The following ODAD1 variants were observed in gnomAD, a reference collection of about 807,000 sequenced individuals.
The protein encoded by ODAD1 is outer dynein arm docking complex subunit 1.
ODAD1 carries 49 observed loss-of-function variants against 67.2 expected under a neutral mutation model. The ratio of observed to expected loss-of-function variants is 0.73; its 90% CI spans 0.58 to 0.92. The LOEUF is 0.92. ODAD1 is among the 40% of genes least tolerant of loss of function. The probability of loss-of-function intolerance (pLI) is 0.00; values close to 1 mark genes in which losing one functional copy is unlikely to be tolerated. For missense variants in ODAD1, 897 were observed against 953.7 expected (o/e 0.94, Z 0.78); for synonymous variants, 345 against 393.7 (o/e 0.88, Z 1.46).
rs2147322614 is a variant in ODAD1 at position 48,307,583 on chromosome 19, A to C, written c.598-1260T>G. 2.0e-5 allele frequency among the ~76,000 whole-genome samples: 3 copies of C among 152,282 alleles called. No individual in the cohort carries two copies. In the South Asian group the frequency reaches 6.2e-4, roughly 32 times the overall value. On this transcript the variant is annotated intron_variant, in intron 7 of 15. Coordinates refer to ENST00000674294, the MANE Select transcript of ODAD1 (RefSeq NM_001364171.2). ...GTAATCCCAGCACTGTGGGAGGCCGAGGTGGGCGGATCACGAGGTCAGGAG... is the reference window on the plus strand; with the variant it reads ...GTAATCCCAGCACTGTGGGAGGCCGCGGTGGGCGGATCACGAGGTCAGGAG...
intron 5 of ODAD1, among the ~76,000 whole-genome samples, chr19:48,313,426 C>CA (rs568077350): frequency 0.087 from 2,552 of 29,376 alleles, 82 homozygotes; most frequent in African/African-American, 0.14. Flanking sequence ...GACTCCATCT[C>CA]AAAAAAAAAA....
intron 8 of ODAD1, among the ~76,000 whole-genome samples, chr19:48,305,547 G>C (rs1027911922): frequency 1.3e-5 from 2 of 151,966 alleles, no homozygotes; most frequent in African/African-American, 4.8e-5. Context: ...TGGGACCACA[G>C]ACACCCGCCA....
At chr19:48,303,504 C>T (rs191600288) in intron 10 of ODAD1, 146 bp downstream of exon 10, 13 of 950,966 alleles carry the variant, frequency 1.4e-5, no homozygotes, top group Non-Finnish European at 1.9e-5. Context: ...CGCCAGTGGA[C>T]GCGGGCGGCG....
In ODAD1 at chr19:48,297,141, C is replaced by T. The variant is rs1968310565; in HGVS notation, c.1959G>A (p.Val653=). ...TGTTTTCTCCGCCCCTGCTGGACCC[C>T]ACGTATCCAGTGGAGCCCAGGTAGC... The part of the protein sequence containing the change: ...ASSYLGSTGY[V]GSSRGGENTE... Residue 653 remains valine, a synonymous_variant, in exon 16 of 16, where the codon GTG becomes GTA. Transcript: ENST00000674294. The T allele has an allele frequency of 6.2e-7, 1 of 1,614,114 alleles. No individual in the cohort carries two copies. The highest frequency in any genetic ancestry group is 1.1e-5 in the South Asian group (1 of 91,090).
In ODAD1 at chr19:48,297,084, C is replaced by A. The variant is rs762838065; in HGVS notation, c.2016G>T (p.Ala672=). Residue 672 remains alanine (A), a synonymous_variant, in exon 16 of 16, where the codon GCG becomes GCT. Transcript: ENST00000674294. The stretch of plus-strand genomic sequence containing the variant: ...ACCCGAGGCCTCCGCTCGAATCAGA[C>A]GCTGTGCCTCCGCTCTCCACACCAC... ...TEGGVESGGT[A]SDSSGGLGSS... 4 of 1,613,330 alleles carry A rather than the reference C, an allele frequency of 2.5e-6. No homozygotes were observed. The highest frequency in any genetic ancestry group is 3.4e-6 in the Non-Finnish European group (4 of 1,179,570).
At position 48,303,994 on chromosome 19, in the gene ODAD1, C is replaced by T. The variant is rs776898770; in HGVS notation, c.812G>A (p.Arg271Gln). 41 of 1,614,096 alleles carry T rather than the reference C, an allele frequency of 2.5e-5. No homozygotes were observed. Among genetic ancestry groups the T allele is most frequent in the Admixed American group, 1.2e-4 (7 of 60,000 alleles). Residue 271 changes from arginine to glutamine, a missense_variant, in exon 9 of 16, where the codon CGG becomes CAG. Coordinates refer to ENST00000674294, the MANE Select transcript of ODAD1 (RefSeq NM_001364171.2). ...HHFLKLKNND[R>Q]QPDPDVLEKR... The stretch of plus-strand genomic sequence containing the variant: ...CTCCAGGACATCGGGATCCGGCTGC[C>T]GGTCGTTGTTCTTGAGCTTGAGGAA...
At position 48,303,977 on chromosome 19, in the gene ODAD1, C is replaced by A. The variant is rs986502176; in HGVS notation, c.829G>T (p.Val277Phe). Reference sequence around the variant, plus strand: ...CCCTGCTTTTCACGCTTCTCCAGGACATCGGGATCCGGCTGCCGGTCGTTG... The same window carrying A: ...CCCTGCTTTTCACGCTTCTCCAGGAAATCGGGATCCGGCTGCCGGTCGTTG... The part of the protein sequence containing the change: ...KNNDRQPDPD[V>F]LEKREKQAGE... Residue 277 changes from valine to phenylalanine, a missense_variant, in exon 9 of 16, where the codon GTC (valine) becomes TTC (phenylalanine). Val to Phe is a conservative substitution (Grantham distance 50). Transcript: ENST00000674294. The A allele has an allele frequency of 6.2e-7, 1 of 1,614,174 alleles. No individual in the cohort carries two copies. Among genetic ancestry groups the A allele is most frequent in the Non-Finnish European group, 8.5e-7 (1 of 1,180,002 alleles).
chr19:48,318,658 C>A, intron 4 of ODAD1, 55 bp downstream of exon 4: 2 of 1,534,422 alleles, frequency 1.3e-6, no homozygotes, highest in South Asian at 1.2e-5. Context: ...GGAGTCCAGT[C>A]TTCAGCCCCT....
At chr19:48,307,292 C>T (rs1463281607) in intron 7 of ODAD1, among the ~76,000 whole-genome samples, 45 of 150,504 alleles carry the variant, frequency 3.0e-4, no homozygotes, top group Non-Finnish European at 4.4e-5. Context: ...TGTGAACTCA[C>T]TATTGTAAAA....
At chr19:48,315,754 T>A (rs1012698681) in intron 5 of ODAD1, among the ~76,000 whole-genome samples, 1 of 152,142 alleles carries the variant, frequency 6.6e-6, no homozygotes, top group Non-Finnish European at 1.5e-5. Context: ...AATTGTATAG[T>A]AAGGACTCTT....
chr19:48,314,545 A>C (rs1051609893), intron 5 of ODAD1, among the ~76,000 whole-genome samples: 1 of 152,180 alleles, frequency 6.6e-6, no homozygotes, highest in Admixed American at 6.5e-5. Flanking sequence ...CTGCTAGCTT[A>C]AGGCAGTTCA....
At chr19:48,305,086 G>T (rs184163949) in intron 8 of ODAD1, among the ~76,000 whole-genome samples, 2 of 152,196 alleles carry the variant, frequency 1.3e-5, no homozygotes, top group African/African-American at 4.8e-5. Context: ...AGCTGATGTC[G>T]ATCAGGGACC....
In ODAD1 at chr19:48,318,687, G is replaced by A. The variant is rs565884445; in HGVS notation, c.170+26C>T. 123 of 1,538,914 alleles carry A rather than the reference G, an allele frequency of 8.0e-5. No individual in the cohort carries two copies. In the African/African-American group the frequency reaches 1.6e-3, roughly 20 times the overall value. On this transcript the variant is annotated intron_variant, in intron 4 of 15. Coordinates refer to ENST00000674294, the MANE Select transcript of ODAD1 (RefSeq NM_001364171.2). Reference sequence around the variant, plus strand: ...AGCCCCTCTGACCCCCTCCTCCCCAGCTCAGGGCCCAGGCGCCCAGCTCAC... The same window carrying A: ...AGCCCCTCTGACCCCCTCCTCCCCAACTCAGGGCCCAGGCGCCCAGCTCAC...
In ODAD1 at chr19:48,298,239, G is replaced by C. The variant is rs1294367098; in HGVS notation, c.1342C>G (p.Leu448Val). 1 of 1,614,082 alleles carries C rather than the reference G, an allele frequency of 6.2e-7. No homozygotes were observed. The highest frequency in any genetic ancestry group is 8.5e-7 in the Non-Finnish European group (1 of 1,180,026). ...SMGDRDMGLFLSLIEKRLVEL... is the reference protein window; with the variant it reads ...SMGDRDMGLFVSLIEKRLVEL... ...ACCAGCCGCTTCTCAATGAGGCTCA[G>C]GAAGAGGCCCATGTCCCGGTCTCCC... The change falls in exon 13 of 16, where the codon CTG becomes GTG. Residue 448 changes from leucine (L) to valine (V), a missense_variant. Coordinates refer to ENST00000674294, the MANE Select transcript of ODAD1 (RefSeq NM_001364171.2).
In ODAD1 at chr19:48,311,622, C is replaced by T; in HGVS notation, c.528G>A (p.Leu176=). The T allele has an allele frequency of 6.4e-7, 1 of 1,551,454 alleles. No homozygotes were observed. Among genetic ancestry groups the T allele is most frequent in the Non-Finnish European group, 8.7e-7 (1 of 1,146,834 alleles). Residue 176 remains leucine (L), a synonymous_variant, in exon 7 of 16, where the codon CTG becomes CTA. Coordinates refer to ENST00000674294, the MANE Select transcript of ODAD1 (RefSeq NM_001364171.2). ...TCCGCAGCAGATCCAGCTCCTCCCGCAGGGCCGCATTCCGTACCAGCTGGT... is the reference window on the plus strand; with the variant it reads ...TCCGCAGCAGATCCAGCTCCTCCCGTAGGGCCGCATTCCGTACCAGCTGGT... ...FDNQLVRNAA[L]REELDLLRID... is the part of the protein sequence containing the mutation.
intron 7 of ODAD1, among the ~76,000 whole-genome samples, chr19:48,309,297 G>A (rs953971864): frequency 1.3e-5 from 2 of 152,200 alleles, no homozygotes; most frequent in African/African-American, 2.4e-5. Flanking sequence ...GAAGGCTGGG[G>A]GCCAGGTTGC....
chr19:48,314,286 T>TC (rs1426316663), intron 5 of ODAD1, among the ~76,000 whole-genome samples: 5 of 152,032 alleles, frequency 3.3e-5, no homozygotes, highest in African/African-American at 1.2e-4. Context: ...AGACAGATTC[T>TC]CCCCCACACT....
intron 8 of ODAD1, among the ~76,000 whole-genome samples, chr19:48,305,553 C>T (rs1600863557): frequency 1.3e-5 from 2 of 152,114 alleles, no homozygotes. Flanking sequence ...CACAGACACC[C>T]GCCACCATGC....
chr19:48,319,404 C>G lies in ODAD1; in HGVS notation c.71-592G>C, dbSNP rs904046724. On this transcript the variant is annotated intron_variant, in intron 3 of 15. Transcript: ENST00000674294. ...AGTCTCAGCACCTCAGCCTGGGATC[C>G]CAGACCCCAAGTGACCTGACCTTAC... 1.0e-5 allele frequency: 10 copies of G among 984,362 alleles called. No homozygotes were observed. The African/African-American group carries it at 1.6e-4, about 15-fold the overall frequency. 61.0% of individuals were successfully genotyped at this position (984,362 alleles called of 1,614,324 possible).
Sources: gnomAD v4.1 joint callset for allele counts (sites outside exome capture counted in the v4.1 genomes callset) on GRCh38, gnomAD v4.1.1 for gene constraint, MANE v1.5 for transcripts, NCBI Gene and HGNC (gene_info 2026-07-23, HGNC 2026-07-21) for gene names.